WDR59: variants seen among roughly 807,000 people sequenced by gnomAD.
WDR59 encodes the protein WD repeat domain 59, also known as GATOR2 complex protein WDR59.
In WDR59, 100 loss-of-function variants were observed where a neutral mutation model predicts 131.2. That is an observed-to-expected ratio of 0.76 (90% CI 0.65 to 0.90). The LOEUF is 0.90. Among genes scored for constraint, WDR59 ranks in the 40% least tolerant of loss-of-function variants. The pLI, the probability that WDR59 is intolerant of heterozygous loss-of-function variation, is 0.00. For synonymous variants in WDR59, 601 were observed against 466.2 expected (o/e 1.29, Z -3.72); for missense variants, 1,203 against 1,262.2 (o/e 0.95, Z 0.71).
At chr16:74,941,182 T>A (rs190023543) in intron 7 of WDR59, among the ~76,000 whole-genome samples, 4,910 of 148,860 alleles carry the variant, frequency 0.033, 122 homozygotes, top group Non-Finnish European at 0.05. Context: ...AAAAAAAAAA[T>A]TTTTTTTAAT....
intron 5 of WDR59, among the ~76,000 whole-genome samples, 160 bp downstream of exon 5, chr16:74,949,558 G>C (rs564309663): frequency 6.6e-6 from 1 of 151,972 alleles, no homozygotes; most frequent in East Asian, 1.9e-4. Flanking sequence ...CCCTACAACT[G>C]TGTCTTTCAC....
chr16:74,893,414 C>T (rs1036831519), intron 19 of WDR59, among the ~76,000 whole-genome samples: 3 of 152,108 alleles, frequency 2.0e-5, no homozygotes, highest in African/African-American at 7.2e-5. Context: ...GCCTGGCCAA[C>T]ACCATTTCAG....
At chr16:74,896,875 T>G (rs995447576) in intron 18 of WDR59, among the ~76,000 whole-genome samples, 1 of 152,140 alleles carries the variant, frequency 6.6e-6, no homozygotes, top group African/African-American at 2.4e-5. Context: ...AGCTCTGTGA[T>G]GAGGGATACT....
At chr16:74,889,363 T>C (rs180988773) in intron 21 of WDR59, among the ~76,000 whole-genome samples, 22 of 152,090 alleles carry the variant, frequency 1.4e-4, no homozygotes, top group Admixed American at 1.4e-3. Context: ...TTCTCAAGGG[T>C]GAGACCCTAG....
rs546599501 is a variant in WDR59, at chr16:74,888,760, C to T, written c.2196-441G>A. Among the ~76,000 whole-genome samples the T allele has an allele frequency of 3.3e-5, 5 of 152,256 alleles. No individual in the cohort carries two copies. The South Asian group carries it at 1.0e-3, about 32-fold the overall frequency. On this transcript the variant is annotated intron_variant, in intron 21 of 25. Coordinates refer to ENST00000262144, the MANE Select transcript of WDR59 (RefSeq NM_030581.4). ...AAGCTACATGAAGGAGCTCAGAGGA[C>T]ACTGGACCGCCACAGCATGCTAGCA...
At chr16:74,892,641 C>T (rs865965663) in intron 19 of WDR59, 76 bp from the exon 20 acceptor site, 1 of 1,204,598 alleles carries the variant, frequency 8.3e-7, no homozygotes, top group African/African-American at 1.5e-5. Flanking sequence ...GTTTAACAGA[C>T]AGATGAGAAC....
chr16:74,890,520 A>G (rs1293013155), intron 20 of WDR59, among the ~76,000 whole-genome samples: 1 of 152,220 alleles, frequency 6.6e-6, no homozygotes, highest in Non-Finnish European at 1.5e-5. Flanking sequence ...AAGGCAGTCT[A>G]TAACACATTT....
chr16:74,886,568 T>C (rs1183691987), intron 23 of WDR59, 172 bp from the exon 24 acceptor site: 17 of 802,976 alleles, frequency 2.1e-5, no homozygotes, highest in Non-Finnish European at 2.9e-5. Context: ...CCTTGCCTTT[T>C]TGCGCAGGTA....
chr16:74,914,198 G>A (rs1211730269), intron 13 of WDR59, among the ~76,000 whole-genome samples: 1 of 152,032 alleles, frequency 6.6e-6, no homozygotes, highest in Non-Finnish European at 1.5e-5. Flanking sequence ...AGCGGACAGA[G>A]CAAGGCTCCA....
At chr16:74,943,648 C>T (rs1333377217) in intron 6 of WDR59, among the ~76,000 whole-genome samples, 1 of 152,286 alleles carries the variant, frequency 6.6e-6, no homozygotes, top group Non-Finnish European at 1.5e-5. Flanking sequence ...AGCACTCCTT[C>T]CTGTCTCCTC....
intron 1 of WDR59, among the ~76,000 whole-genome samples, chr16:74,967,243 T>C (rs1468067150): frequency 6.6e-6 from 1 of 152,110 alleles, no homozygotes; most frequent in Non-Finnish European, 1.5e-5. Context: ...ACATGCATCC[T>C]TCAGTGCACC....
chr16:74,955,959 G>GA lies in WDR59; in HGVS notation c.240+515dup, dbSNP rs906933531. Among the ~76,000 whole-genome samples, 257 of 149,200 alleles carry GA rather than the reference G, an allele frequency of 1.7e-3. 1 individual carries two copies. Among genetic ancestry groups the GA allele is most frequent in the East Asian group, 2.9e-3 (15 of 5,116 alleles). On this transcript the variant is annotated intron_variant, in intron 3 of 25. Coordinates refer to ENST00000262144, the MANE Select transcript of WDR59 (RefSeq NM_030581.4). ...AAAACTTATACATGTTTTCCCTAGG[G>GA]AAAAAAAAAATCACACATAAACAGG... is the stretch of plus-strand genomic sequence containing the variant.
intron 18 of WDR59, among the ~76,000 whole-genome samples, chr16:74,898,900 T>C (rs1257743484): frequency 6.6e-6 from 1 of 152,212 alleles, no homozygotes; most frequent in Non-Finnish European, 1.5e-5. Flanking sequence ...TACAAGTTGT[T>C]GGCAGCAGTG....
At chr16:74,882,856 A>G (rs1232361973) in intron 25 of WDR59, among the ~76,000 whole-genome samples, 1 of 149,702 alleles carries the variant, frequency 6.7e-6, no homozygotes, top group East Asian at 1.9e-4. Context: ...AAAAGAAAAG[A>G]AAAAGAAGGG....
Position 74,915,335 on chromosome 16 carries a change from G to T in WDR59, c.1224+535C>A, listed in dbSNP as rs576465950. On this transcript the variant is annotated intron_variant, in intron 13 of 25. Coordinates refer to ENST00000262144, the MANE Select transcript of WDR59 (RefSeq NM_030581.4). ...GAGGAGCTAAGGCACACGAGCATCAGGTTCTCCTTTGGCTCATCTTAGGAG... is the reference window on the plus strand; with the variant it reads ...GAGGAGCTAAGGCACACGAGCATCATGTTCTCCTTTGGCTCATCTTAGGAG... 257 of 153,312 alleles carry T rather than the reference G, an allele frequency of 1.7e-3. 6 individuals carry two copies. In the South Asian group the frequency reaches 0.051, roughly 30 times the overall value. The allele number at this position is 153,312 out of a possible 1,614,324, so 9.5% of individuals were successfully genotyped here. A position where few individuals can be genotyped will look rare whatever the true frequency, so the allele number is the denominator to read the frequency against.
intron 18 of WDR59, chr16:74,894,076 C>T (rs1472879097): frequency 1.5e-5 from 5 of 341,820 alleles, no homozygotes; most frequent in African/African-American, 1.0e-4. Context: ...AGGATTAATA[C>T]ATTAATTAAT....
chr16:74,965,956 G>A (rs2033758076), intron 1 of WDR59, 134 bp from the exon 2 acceptor site: 3 of 787,838 alleles, frequency 3.8e-6, no homozygotes, highest in African/African-American at 1.7e-5. Context: ...TCTCTACAGT[G>A]GATGCTTCTA....
chr16:74,915,941 G>T lies in WDR59; in HGVS notation c.1153C>A (p.Leu385Met). 1 of 1,614,224 alleles carries T rather than the reference G, an allele frequency of 6.2e-7. No homozygotes were observed. Among genetic ancestry groups the T allele is most frequent in the South Asian group, 1.1e-5 (1 of 91,090 alleles). Residue 385 changes from leucine to methionine, a missense_variant, in exon 13 of 26, where the codon CTG becomes ATG. Coordinates refer to ENST00000262144, the MANE Select transcript of WDR59 (RefSeq NM_030581.4). Reference protein sequence around the residue: ...NLLEERKSDQLGLPQTLQQEF... With the variant: ...NLLEERKSDQMGLPQTLQQEF... ...TGCTGCAAGGTCTGAGGCAGCCCCA[G>T]TTGATCTGATTTCCTCTCTTCCAGG...
At chr16:74,907,068 C>T (rs1965853480) in intron 17 of WDR59, among the ~76,000 whole-genome samples, 1 of 152,080 alleles carries the variant, frequency 6.6e-6, no homozygotes, top group Non-Finnish European at 1.5e-5. Context: ...TTTTCTACTC[C>T]AATAAGGAAT....
Sources: allele counts gnomAD v4.1 joint callset (sites outside exome capture counted in the v4.1 genomes callset), GRCh38; gene constraint gnomAD v4.1.1; transcripts MANE v1.5; gene names NCBI Gene and HGNC (gene_info 2026-07-23, HGNC 2026-07-21).